The following EYS variants were observed in gnomAD, a reference collection of about 807,000 sequenced individuals.
The protein encoded by EYS is EGF-like photoreceptor maintenance factor.
A neutral mutation model predicts 282.1 loss-of-function variants in EYS; 250 were observed. That is an observed-to-expected ratio of 0.89 (90% confidence interval 0.80 to 0.98). The LOEUF is 0.98. Ranked by LOEUF, EYS falls within the 50% of genes least tolerant of loss-of-function variation. The probability of loss-of-function intolerance (pLI) is 0.00; values close to 1 mark genes in which losing one functional copy is unlikely to be tolerated. For synonymous variants in EYS, 1,355 were observed against 1,282.9 expected (o/e 1.06, Z -1.20); for missense variants, 4,016 against 3,709.0 (o/e 1.08, Z -2.15).
At chr6:63,934,902 AAAAATAAAAATAAC>A (rs1262172242) in intron 35 of EYS, among the ~76,000 whole-genome samples, 5 of 151,802 alleles carry the variant, frequency 3.3e-5, no homozygotes, top group African/African-American at 4.9e-5. Context: ...ATTATAATAA[AAAAATAAAAATAAC>A]AAAATAAAAA....
chr6:63,741,183 C>G (rs1208133413), intron 41 of EYS, among the ~76,000 whole-genome samples: 1 of 152,132 alleles, frequency 6.6e-6, no homozygotes, highest in Non-Finnish European at 1.5e-5. Context: ...CAAGTTACTT[C>G]TAAATTACAC....
chr6:65,433,968 T>C (rs1433464526), intron 5 of EYS, among the ~76,000 whole-genome samples: 1 of 152,200 alleles, frequency 6.6e-6, no homozygotes, highest in Non-Finnish European at 1.5e-5. Context: ...AAGACCTCTA[T>C]TTCCTACCAC....
At chr6:65,452,369 A>T (rs191146701) in intron 5 of EYS, among the ~76,000 whole-genome samples, 1 of 151,990 alleles carries the variant, frequency 6.6e-6, no homozygotes, top group Non-Finnish European at 1.5e-5. Flanking sequence ...GAATTAAATA[A>T]GATGTTCTAA....
intron 26 of EYS, among the ~76,000 whole-genome samples, chr6:64,571,270 A>C (rs1267521700): frequency 6.6e-6 from 1 of 151,628 alleles, no homozygotes; most frequent in Non-Finnish European, 1.5e-5. Flanking sequence ...TCTCTGGGAC[A>C]CTCCTTAGTG....
chr6:63,990,132 T>C (rs1289058975), intron 34 of EYS, among the ~76,000 whole-genome samples: 2 of 151,672 alleles, frequency 1.3e-5, no homozygotes, highest in Non-Finnish European at 3.0e-5. Context: ...TACTCTTGTC[T>C]ATAAAGAAAT....
chr6:64,477,344 T>C (rs115444786), intron 26 of EYS, among the ~76,000 whole-genome samples: 3,853 of 152,202 alleles, frequency 0.025, 63 homozygotes, highest in Non-Finnish European at 0.041. Flanking sequence ...TTATTTAAAA[T>C]CCCCTCCCCA....
chr6:65,532,368 T>C (rs747258035), intron 2 of EYS, among the ~76,000 whole-genome samples: 4 of 152,174 alleles, frequency 2.6e-5, no homozygotes, highest in African/African-American at 4.8e-5. Context: ...AATTGTTTGA[T>C]ATCCATATTA....
chr6:63,930,015 C>A (rs141505142), intron 35 of EYS, among the ~76,000 whole-genome samples: 2 of 152,080 alleles, frequency 1.3e-5, no homozygotes, highest in Admixed American at 6.6e-5. Flanking sequence ...GACTTCCTAC[C>A]GTGTGAGATT....
chr6:64,070,948 A>G (rs1771551032), intron 32 of EYS, among the ~76,000 whole-genome samples: 1 of 151,150 alleles, frequency 6.6e-6, no homozygotes, highest in South Asian at 2.1e-4. Context: ...GACACTTGAA[A>G]CTCCTGTGGA....
intron 28 of EYS, among the ~76,000 whole-genome samples, chr6:64,400,057 G>A (rs1011754381): frequency 3.3e-5 from 5 of 151,930 alleles, no homozygotes; most frequent in African/African-American, 1.2e-4. Context: ...TAAATGAACA[G>A]AAGAAAAAGG....
chr6:64,940,389 A>C (rs1769050155), intron 15 of EYS, among the ~76,000 whole-genome samples: 1 of 152,116 alleles, frequency 6.6e-6, no homozygotes, highest in South Asian at 2.1e-4. Flanking sequence ...TAAATGCCAA[A>C]AAAAGGATAT....
intron 2 of EYS, among the ~76,000 whole-genome samples, chr6:65,634,845 C>G (rs1165513330): frequency 1.3e-5 from 2 of 152,210 alleles, no homozygotes; most frequent in African/African-American, 2.4e-5. Flanking sequence ...TTGCCAGTGC[C>G]TTCCTCTTCT....
intron 13 of EYS, among the ~76,000 whole-genome samples, chr6:65,011,796 G>T (rs141831570): frequency 6.6e-6 from 1 of 152,142 alleles, no homozygotes; most frequent in Non-Finnish European, 1.5e-5. Context: ...TGCTAATTAG[G>T]CAACAACAGG....
At chr6:64,846,013 ACATAT>A (rs1765703392) in intron 19 of EYS, among the ~76,000 whole-genome samples, 1 of 151,732 alleles carries the variant, frequency 6.6e-6, no homozygotes, top group Admixed American at 6.6e-5. Context: ...CTTCAACTTA[ACATAT>A]GTTTCCAAAT....
intron 12 of EYS, among the ~76,000 whole-genome samples, chr6:65,208,054 A>G (rs1766080784): frequency 6.6e-6 from 1 of 151,756 alleles, no homozygotes; most frequent in South Asian, 2.1e-4. Flanking sequence ...CAAAAGAAAT[A>G]ATTAATAAAG....
chr6:63,726,895 C>G (rs1768635235), intron 41 of EYS, among the ~76,000 whole-genome samples: 1 of 152,162 alleles, frequency 6.6e-6, no homozygotes, highest in South Asian at 2.1e-4. Flanking sequence ...TACTGAAAAG[C>G]CTTCTCTTGC....
chr6:64,370,847 C>G (rs1772344347), intron 29 of EYS, among the ~76,000 whole-genome samples: 1 of 152,002 alleles, frequency 6.6e-6, no homozygotes, highest in African/African-American at 2.4e-5. Context: ...TTTTGTATTT[C>G]TGTGGGTTCA....
chr6:65,192,293 C>CTGTGTGTGTGTGTGTGTGTGTGTG (rs58238401), intron 12 of EYS, among the ~76,000 whole-genome samples: 57 of 142,904 alleles, frequency 4.0e-4, no homozygotes, highest in Admixed American at 1.1e-3. Flanking sequence ...TTTTTCTACT[C>CTGTGTGTGTGTGTGTGTGTGTGTG]TGTGTGTGTG....
Position 65,300,377 on chromosome 6 carries a change from C to T in EYS, c.1767-4258G>A, listed in dbSNP as rs1768784599. ...CGAAGTATATTATTTTTAGGTTAGA[C>T]CTCTTAGAACTAAAAATGTTCACAT... On this transcript the variant is annotated intron_variant, in intron 11 of 42. Coordinates refer to ENST00000503581, the MANE Select transcript of EYS (RefSeq NM_001142800.2). Among the ~76,000 whole-genome samples the T allele has an allele frequency of 3.3e-5, 5 of 152,246 alleles. 1 individual carries two copies. The South Asian group carries it at 8.3e-4, about 25-fold the overall frequency.
Sources: allele counts gnomAD v4.1 joint callset (sites outside exome capture counted in the v4.1 genomes callset), GRCh38; gene constraint gnomAD v4.1.1; transcripts MANE v1.5; gene names NCBI Gene and HGNC (gene_info 2026-07-23, HGNC 2026-07-21).